The following GUCY1A2 variants were observed in gnomAD, a reference collection of about 807,000 sequenced individuals.
GUCY1A2 encodes guanylate cyclase soluble subunit alpha-2.
A neutral mutation model predicts 63.5 loss-of-function variants in GUCY1A2; 27 were observed. The observed-to-expected ratio is 0.43, with a 90% confidence interval of 0.31 to 0.59. The LOEUF (loss-of-function observed/expected upper bound fraction) is 0.59. Among genes scored for constraint, GUCY1A2 ranks in the 20% least tolerant of loss-of-function variants. GUCY1A2 has a pLI of 0.11. For missense variants in GUCY1A2, 768 were observed against 913.3 expected (o/e 0.84, Z 2.05); for synonymous variants, 364 against 343.5 (o/e 1.06, Z -0.66).
intron 1 of GUCY1A2, among the ~76,000 whole-genome samples, chr11:106,993,914 G>C (rs1459841874): frequency 1.3e-5 from 2 of 152,180 alleles, no homozygotes; most frequent in Non-Finnish European, 2.9e-5. Context: ...AGCAAAACTA[G>C]AAGTTCAGAT....
chr11:106,959,644 A>C (rs1861035077), intron 3 of GUCY1A2, among the ~76,000 whole-genome samples: 1 of 152,292 alleles, frequency 6.6e-6, no homozygotes. Context: ...GTTCATTTGG[A>C]AAGTGGGGAG....
intron 4 of GUCY1A2, among the ~76,000 whole-genome samples, chr11:106,849,501 G>A (rs1859322386): frequency 6.6e-6 from 1 of 151,368 alleles, no homozygotes; most frequent in African/African-American, 2.4e-5. Flanking sequence ...TTGAAAGCTA[G>A]TACATAGTTA....
At chr11:106,829,198 G>A (rs748651724) in intron 4 of GUCY1A2, among the ~76,000 whole-genome samples, 12 of 152,090 alleles carry the variant, frequency 7.9e-5, no homozygotes, top group Non-Finnish European at 1.2e-4. Flanking sequence ...GCATTTTATC[G>A]TCCTGCAGTG....
intron 1 of GUCY1A2, among the ~76,000 whole-genome samples, chr11:107,006,372 G>C (rs1861671502): frequency 6.6e-6 from 1 of 152,166 alleles, no homozygotes; most frequent in Non-Finnish European, 1.5e-5. Flanking sequence ...GGAGACAAAA[G>C]TTATTTCCCC....
intron 4 of GUCY1A2, among the ~76,000 whole-genome samples, chr11:106,936,337 G>C (rs2119963149): frequency 6.6e-6 from 1 of 152,272 alleles, no homozygotes; most frequent in Non-Finnish European, 1.5e-5. Context: ...GATATACATG[G>C]AATGAAAGAA....
At chr11:106,944,548 T>C (rs1347786730) in intron 3 of GUCY1A2, among the ~76,000 whole-genome samples, 1 of 151,966 alleles carries the variant, frequency 6.6e-6, no homozygotes, top group Non-Finnish European at 1.5e-5. Flanking sequence ...CGGTACCAGG[T>C]TTAATATCTG....
intron 6 of GUCY1A2, among the ~76,000 whole-genome samples, chr11:106,712,469 A>G (rs557313283): frequency 4.7e-4 from 72 of 152,290 alleles, no homozygotes; most frequent in African/African-American, 1.6e-3. Context: ...TCAGCTCTGT[A>G]CCTATCCATT....
chr11:106,939,514 G>T lies in GUCY1A2; in HGVS notation c.1152C>A (p.Thr384=). ...TFERVLLRLS[T]PFVIRTKPEA... ...CAGGCTTGGTTCTAATCACAAACGG[G>T]GTAGACAGTCGCAGCAGGACCCTTT... The change falls in exon 4 of 8, where the codon ACC becomes ACA. Residue 384 remains threonine, a synonymous_variant. Transcript: ENST00000526355. 6.2e-7 allele frequency: 1 copy of T among 1,612,934 alleles called. No homozygotes were observed. The highest frequency in any genetic ancestry group is 8.5e-7 in the Non-Finnish European group (1 of 1,179,022).
chr11:106,999,152 GAATT>G (rs1293576552), intron 1 of GUCY1A2, among the ~76,000 whole-genome samples: 1 of 152,214 alleles, frequency 6.6e-6, no homozygotes, highest in South Asian at 2.1e-4. Flanking sequence ...AGGTTCTTTT[GAATT>G]AATAATTTTA....
At chr11:106,688,536 T>C (rs1862567597) in intron 7 of GUCY1A2, among the ~76,000 whole-genome samples, 1 of 152,108 alleles carries the variant, frequency 6.6e-6, no homozygotes, top group African/African-American at 2.4e-5. Flanking sequence ...AAGAAAAGCC[T>C]CCTAGACACT....
At chr11:106,792,409 AC>A (rs1864680717) in intron 5 of GUCY1A2, among the ~76,000 whole-genome samples, 1 of 149,688 alleles carries the variant, frequency 6.7e-6, no homozygotes, top group East Asian at 2.0e-4. Flanking sequence ...AAAAAAGCTT[AC>A]CCACTATCAT....
chr11:106,708,440 G>A (rs952785149), intron 7 of GUCY1A2, 72 bp downstream of exon 7: 6 of 1,176,808 alleles, frequency 5.1e-6, no homozygotes, highest in Non-Finnish European at 7.3e-6. Context: ...AAAGAACAGG[G>A]ACTCACAGAT....
Position 106,680,399 on chromosome 11 carries a change from T to C in GUCY1A2, c.*7150A>G, listed in dbSNP as rs961596137. Reference sequence around the variant, plus strand: ...AGAAGACTGAATATAAAGTGATTTCTTCAGTTTAAAAATATGTATCAAAAG... The same window carrying C: ...AGAAGACTGAATATAAAGTGATTTCCTCAGTTTAAAAATATGTATCAAAAG... On this transcript the variant is annotated 3_prime_UTR_variant, in exon 8 of 8. Coordinates refer to ENST00000526355, the MANE Select transcript of GUCY1A2 (RefSeq NM_000855.3). 22 of 208,450 alleles carry C rather than the reference T, an allele frequency of 1.1e-4. No individual in the cohort carries two copies. The highest frequency in any genetic ancestry group is 2.0e-4 in the Non-Finnish European group (20 of 102,366). 12.9% of individuals were successfully genotyped at this position (208,450 alleles called of 1,614,324 possible). A position where few individuals can be genotyped will look rare whatever the true frequency, so the allele number is the denominator to read the frequency against.
intron 4 of GUCY1A2, among the ~76,000 whole-genome samples, chr11:106,849,246 A>C (rs1253325774): frequency 6.6e-6 from 1 of 151,474 alleles, no homozygotes; most frequent in Non-Finnish European, 1.5e-5. Context: ...TATGTAGTGA[A>C]CTGTGTTAGG....
Position 106,680,725 on chromosome 11 carries a change from G to A in GUCY1A2, c.*6824C>T. ...TTTTGATAGGGAAATTTTCCAAACT[G>A]TGGGCAGGAGAATGCTAAAATTAAG... On this transcript the variant is annotated 3_prime_UTR_variant, in exon 8 of 8. Coordinates refer to ENST00000526355, the MANE Select transcript of GUCY1A2 (RefSeq NM_000855.3). 4.9e-6 allele frequency: 1 copy of A among 205,886 alleles called. No individual in the cohort carries two copies. Among genetic ancestry groups the A allele is most frequent in the East Asian group, 7.4e-5 (1 of 13,594 alleles). The allele number at this position is 205,886 out of a possible 1,614,324, so 12.8% of individuals were successfully genotyped here. A position where few individuals can be genotyped will look rare whatever the true frequency, so the allele number is the denominator to read the frequency against.
chr11:106,807,018 C>G (rs770543511), intron 5 of GUCY1A2, among the ~76,000 whole-genome samples: 2 of 152,000 alleles, frequency 1.3e-5, no homozygotes, highest in African/African-American at 4.8e-5. Flanking sequence ...CTATGAAAGC[C>G]CCATGTGGGC....
chr11:106,827,833 TGCC>T (rs1312940032), intron 4 of GUCY1A2: 11 of 1,600,096 alleles, frequency 6.9e-6, no homozygotes, highest in Non-Finnish European at 8.6e-6. Context: ...ACGCCCGCGA[TGCC>T]GCCGCCGACC....
intron 6 of GUCY1A2, among the ~76,000 whole-genome samples, chr11:106,776,186 C>T (rs2135402260): frequency 6.6e-6 from 1 of 152,112 alleles, no homozygotes; most frequent in East Asian, 1.9e-4. Context: ...TAAGTTCTTC[C>T]CTTGGGTCTA....
chr11:106,674,338 A>C lies in GUCY1A2; in HGVS notation c.*13211T>G, dbSNP rs1162274922. On this transcript the variant is annotated 3_prime_UTR_variant, in exon 8 of 8. Coordinates refer to ENST00000526355, the MANE Select transcript of GUCY1A2 (RefSeq NM_000855.3). ...AGTGGTGTTACATGAAAATCAAAGA[A>C]GATATTGTGGATATTTATAATCTTA... The C allele has an allele frequency of 5.6e-6, 1 of 179,838 alleles. No homozygotes were observed. The highest frequency in any genetic ancestry group is 2.4e-5 in the African/African-American group (1 of 42,400). 11.1% of individuals were successfully genotyped at this position (179,838 alleles called of 1,614,324 possible).
Sources: allele counts gnomAD v4.1 joint callset (sites outside exome capture counted in the v4.1 genomes callset), GRCh38; gene constraint gnomAD v4.1.1; transcripts MANE v1.5; gene names NCBI Gene and HGNC (gene_info 2026-07-23, HGNC 2026-07-21).